Variants in SLC5A12 observed in about 807,000 individuals in gnomAD.
SLC5A12 encodes the protein solute carrier family 5 member 12.
SLC5A12 carries 46 observed loss-of-function variants against 72.7 expected under a neutral mutation model. That is an observed-to-expected ratio of 0.63 (90% CI 0.50 to 0.81). The LOEUF (loss-of-function observed/expected upper bound fraction) is 0.81, where lower values mean the gene tolerates loss of function less well. SLC5A12 is among the 30% of genes least tolerant of loss of function. The probability of loss-of-function intolerance (pLI) is 0.00; values close to 1 mark genes in which losing one functional copy is unlikely to be tolerated. For synonymous variants in SLC5A12, 275 were observed against 264.4 expected, an observed-to-expected ratio of 1.04 and a Z score of -0.39; for missense variants, 683 against 740.7, an observed-to-expected ratio of 0.92 and a Z score of 0.90.
intron 6 of SLC5A12, among the ~76,000 whole-genome samples, chr11:26,700,073 C>T (rs1281290110): frequency 6.6e-6 from 1 of 152,062 alleles, no homozygotes; most frequent in Admixed American, 6.5e-5. Flanking sequence ...CACTCTGAGT[C>T]AGTTATATCA....
Position 26,681,197 on chromosome 11 carries a change from C to A in SLC5A12, c.1333G>T (p.Gly445Ter). 1 of 1,604,626 alleles carries A rather than the reference C, an allele frequency of 6.2e-7. No individual in the cohort carries two copies. Among genetic ancestry groups the A allele is most frequent in the African/African-American group, 1.3e-5 (1 of 74,650 alleles). Residue 445 changes from glycine to a stop codon, truncating the protein, a stop_gained, in exon 12 of 15, where the codon GGA becomes TGA. Transcript: ENST00000396005. LOFTEE classifies it high-confidence loss of function. The part of the protein sequence containing the change: ...WKGALGGLLT[G>*]ITLSFWVAIG... ...GCCACCCAAAATGACAAGGTGATTC[C>A]AGTAAGAAGACCTCCTAGTGCACCC... is the stretch of plus-strand genomic sequence containing the variant.
rs1854104963 is a variant in SLC5A12 at position 26,670,141 on chromosome 11, C to T, written c.*961G>A. On this transcript the variant is annotated 3_prime_UTR_variant, in exon 15 of 15. Transcript: ENST00000396005. ...ACCCAGGTGGAGTGAGTTGAGCTTG[C>T]TCACATGAGTTGAATGAGCAGAGTA... is the stretch of plus-strand genomic sequence containing the variant. 6.6e-6 allele frequency: 1 copy of T among 152,110 alleles called. No individual in the cohort carries two copies. The highest frequency in any genetic ancestry group is 2.4e-5 in the African/African-American group (1 of 41,452). The allele number at this position is 152,110 out of a possible 1,614,324, so 9.4% of individuals were successfully genotyped here.
intron 14 of SLC5A12, 117 bp downstream of exon 14, chr11:26,673,285 A>G: frequency 8.6e-7 from 1 of 1,167,814 alleles, no homozygotes; most frequent in African/African-American, 1.6e-5. Context: ...AATTCCTTCA[A>G]GTTCTCACAC....
intron 13 of SLC5A12, among the ~76,000 whole-genome samples, chr11:26,677,968 C>G (rs1444241195): frequency 6.6e-6 from 1 of 152,158 alleles, no homozygotes; most frequent in Non-Finnish European, 1.5e-5. Flanking sequence ...CTCACCACTA[C>G]CAACCCCTCA....
chr11:26,691,062 AC>A (rs1854658978), intron 9 of SLC5A12, among the ~76,000 whole-genome samples: 1 of 152,092 alleles, frequency 6.6e-6, no homozygotes, highest in Non-Finnish European at 1.5e-5. Context: ...TAGACAGAGG[AC>A]TTATTTCCTC....
chr11:26,686,473 T>C lies in SLC5A12; in HGVS notation c.1221+4A>G, dbSNP rs903965609. 7 of 1,613,520 alleles carry C rather than the reference T, an allele frequency of 4.3e-6. No individual in the cohort carries two copies. The highest frequency in any genetic ancestry group is 5.9e-6 in the Non-Finnish European group (7 of 1,179,660). On this transcript the variant is annotated splice_donor_region_variant and intron_variant, in intron 10 of 14. Transcript: ENST00000396005. The stretch of plus-strand genomic sequence containing the variant: ...CCAAATGTGTCTTTTCCTTCTTTCG[T>C]TACCTGCACAACACCTCCCATGACA...
chr11:26,681,844 T>C (rs904546356), intron 11 of SLC5A12, among the ~76,000 whole-genome samples: 1 of 152,126 alleles, frequency 6.6e-6, no homozygotes. Flanking sequence ...CTGATGTTTC[T>C]GGTCACTGCT....
chr11:26,686,620 A>T, intron 9 of SLC5A12, 76 bp from the exon 10 acceptor site: 1 of 1,309,238 alleles, frequency 7.6e-7, no homozygotes, highest in South Asian at 1.2e-5. Context: ...GCCCCCACTC[A>T]GAACTGTCTC....
In SLC5A12 at chr11:26,721,933, A is replaced by G. The variant is rs1855491949; in HGVS notation, c.-219T>C. ...CTTCAAAGAAGAATCTGGTGGTGGT[A>G]TTGGCACCAAGAGATGAGAATTTGA... On this transcript the variant is annotated 5_prime_UTR_variant, in exon 1 of 15. Transcript: ENST00000396005. 1 of 545,998 alleles carries G rather than the reference A, an allele frequency of 1.8e-6. No individual in the cohort carries two copies. The highest frequency in any genetic ancestry group is 3.2e-6 in the Non-Finnish European group (1 of 308,648). The allele number at this position is 545,998 out of a possible 1,614,324, so 33.8% of individuals were successfully genotyped here.
intron 13 of SLC5A12, 132 bp from the exon 14 acceptor site, chr11:26,673,661 A>G: frequency 8.2e-7 from 1 of 1,217,156 alleles, no homozygotes; most frequent in Non-Finnish European, 1.1e-6. Flanking sequence ...AGTGGTTAAT[A>G]AACAGAAATT....
At chr11:26,689,088 T>C (rs1455805920) in intron 9 of SLC5A12, among the ~76,000 whole-genome samples, 1 of 99,506 alleles carries the variant, frequency 1.0e-5, no homozygotes, top group Non-Finnish European at 2.2e-5. Flanking sequence ...AGAAGGACGT[T>C]ACAAAAAAAA....
Position 26,669,632 on chromosome 11 carries a change from C to T in SLC5A12, c.*1470G>A, listed in dbSNP as rs1314189886. On this transcript the variant is annotated 3_prime_UTR_variant, in exon 15 of 15. Coordinates refer to ENST00000396005, the MANE Select transcript of SLC5A12 (RefSeq NM_178498.4). ...GGCTCTGTTTTATAAACTCCAGTTT[C>T]TCTGTTTTAATTCCTCCACTGATTT... 1 of 151,868 alleles carries T rather than the reference C, an allele frequency of 6.6e-6. No individual in the cohort carries two copies. Among genetic ancestry groups the T allele is most frequent in the Non-Finnish European group, 1.5e-5 (1 of 67,952 alleles). 9.4% of individuals were successfully genotyped at this position (151,868 alleles called of 1,614,324 possible).
At position 26,721,693 on chromosome 11, in the gene SLC5A12, C is replaced by T. The variant is rs113908376; in HGVS notation, c.22G>A (p.Val8Ile). The change falls in exon 1 of 15, where the codon GTT (valine) becomes ATT (isoleucine). Residue 8 changes from valine to isoleucine, a missense_variant. Coordinates refer to ENST00000396005, the MANE Select transcript of SLC5A12 (RefSeq NM_178498.4). MEVKNFAVWDYVVFAALF... is the reference protein window; with the variant it reads MEVKNFAIWDYVVFAALF... ...GCTGCAAATACAACATAATCCCAAA[C>T]TGCAAAGTTCTTCACCTCCATATTG... 8,911 of 1,613,624 alleles carry T rather than the reference C, an allele frequency of 5.5e-3. 185 individuals are homozygous for T. In the East Asian group the frequency reaches 0.076, roughly 14 times the overall value.
Position 26,695,920 on chromosome 11 carries a change from G to A in SLC5A12, c.1040+1244C>T, listed in dbSNP as rs893019433. On this transcript the variant is annotated intron_variant, in intron 8 of 14. Transcript: ENST00000396005. ...CAAACACTCCATACAGTTTGTCTCC[G>A]CAGGGCTTTAGTATTTGCTTTTCCC... Among the ~76,000 whole-genome samples, 7 of 152,160 alleles carry A rather than the reference G, an allele frequency of 4.6e-5. No homozygotes were observed. The South Asian group carries it at 8.3e-4, about 18-fold the overall frequency.
chr11:26,708,967 T>A (rs1253386628), intron 4 of SLC5A12: 1 of 176,922 alleles, frequency 5.7e-6, no homozygotes, highest in Non-Finnish European at 1.2e-5. Context: ...AAAGTATAAG[T>A]GCCATCTGTG....
intron 1 of SLC5A12, among the ~76,000 whole-genome samples, chr11:26,717,893 C>T (rs894868191): frequency 6.6e-6 from 1 of 152,078 alleles, no homozygotes; most frequent in African/African-American, 2.4e-5. Flanking sequence ...ATCAGCTATG[C>T]CACCTTCCTT....
intron 3 of SLC5A12, among the ~76,000 whole-genome samples, chr11:26,710,426 T>A (rs963364032): frequency 1.3e-5 from 2 of 152,114 alleles, no homozygotes; most frequent in Admixed American, 1.3e-4. Flanking sequence ...CGCCACACTG[T>A]CTTCCATAAT....
chr11:26,721,257 A>T, intron 1 of SLC5A12, 119 bp downstream of exon 1: 2 of 778,188 alleles, frequency 2.6e-6, no homozygotes, highest in Non-Finnish European at 4.1e-6. Flanking sequence ...AAAACATTTT[A>T]ATGTCTTTCT....
upstream of SLC5A12, among the ~76,000 whole-genome samples, chr11:26,722,931 G>A (rs548944617): frequency 1.9e-4 from 28 of 150,796 alleles, no homozygotes; most frequent in Non-Finnish European, 3.5e-4. Flanking sequence ...GTCAACTCCT[G>A]TAGAACGTAG....
Sources: gnomAD v4.1 joint callset for allele counts (sites outside exome capture counted in the v4.1 genomes callset) on GRCh38, gnomAD v4.1.1 for gene constraint, MANE v1.5 for transcripts, NCBI Gene and HGNC (gene_info 2026-07-23, HGNC 2026-07-21) for gene names.